PPIP5K2: variants seen among roughly 807,000 people sequenced by gnomAD.
PPIP5K2 encodes the protein diphosphoinositol pentakisphosphate kinase 2.
In PPIP5K2, 105 loss-of-function variants were observed where a neutral mutation model predicts 154.6. The observed-to-expected ratio is 0.68, with a 90% CI of 0.58 to 0.80. The LOEUF (loss-of-function observed/expected upper bound fraction) is 0.80. Among genes scored for constraint, PPIP5K2 ranks in the 30% least tolerant of loss-of-function variants. The pLI is 0.00. For synonymous variants in PPIP5K2, 480 were observed against 490.3 expected (o/e 0.98, Z 0.28); for missense variants, 992 against 1,504.6 (o/e 0.66, Z 5.64).
chr5:103,159,449 C>T (rs1795889705), intron 17 of PPIP5K2, 121 bp downstream of exon 17: 1 of 849,960 alleles, frequency 1.2e-6, no homozygotes, highest in Middle Eastern at 2.9e-4. Context: ...TTATCATCCT[C>T]CAGGTAAAGA....
intron 8 of PPIP5K2, among the ~76,000 whole-genome samples, chr5:103,150,805 G>C (rs1233639817): frequency 6.8e-6 from 1 of 146,162 alleles, no homozygotes; most frequent in Non-Finnish European, 1.5e-5. Flanking sequence ...GATTTCCTCT[G>C]GAATATGTCC....
At chr5:103,169,570 A>T (rs1797644710) in intron 19 of PPIP5K2, among the ~76,000 whole-genome samples, 1 of 151,780 alleles carries the variant, frequency 6.6e-6, no homozygotes, top group Non-Finnish European at 1.5e-5. Context: ...TTTCTTCAAC[A>T]TGAAAGAGAA....
At chr5:103,167,553 C>T (rs934238683) in intron 18 of PPIP5K2, among the ~76,000 whole-genome samples, 1 of 151,898 alleles carries the variant, frequency 6.6e-6, no homozygotes, top group African/African-American at 2.4e-5. Flanking sequence ...TATTATGCAG[C>T]ATTGCTATAT....
chr5:103,148,612 G>C (rs1554210105), intron 7 of PPIP5K2, among the ~76,000 whole-genome samples: 1 of 151,754 alleles, frequency 6.6e-6, no homozygotes, highest in Non-Finnish European at 1.5e-5. Context: ...TCATAATCCT[G>C]CCATACAAGA....
rs1554218424 is a variant in PPIP5K2 at position 103,167,954 on chromosome 5, C to T, written c.2063-118C>T. 4.4e-5 allele frequency: 28 copies of T among 634,872 alleles called. No individual in the cohort carries two copies. In the South Asian group the frequency reaches 6.7e-4, roughly 15 times the overall value. 39.3% of individuals were successfully genotyped at this position (634,872 alleles called of 1,614,324 possible). On this transcript the variant is annotated intron_variant, in intron 18 of 30. Coordinates refer to ENST00000358359, the MANE Select transcript of PPIP5K2 (RefSeq NM_001276277.3). ...AGTAGCGTATGCCTAAAGTAACTCT[C>T]TAACTTCATACAGTTGTATTTTTGA...
At chr5:103,197,753 T>C (rs1272372964) in intron 30 of PPIP5K2, among the ~76,000 whole-genome samples, 1 of 151,308 alleles carries the variant, frequency 6.6e-6, no homozygotes, top group African/African-American at 2.4e-5. Flanking sequence ...TTTTTTTGTG[T>C]TTTTAGTAGA....
chr5:103,191,215 C>T (rs1554226850), intron 29 of PPIP5K2, among the ~76,000 whole-genome samples: 1 of 151,494 alleles, frequency 6.6e-6, no homozygotes, highest in East Asian at 1.9e-4. Context: ...AACAAAAAAC[C>T]AATAGCAGTA....
intron 4 of PPIP5K2, among the ~76,000 whole-genome samples, 155 bp downstream of exon 4, chr5:103,136,977 G>A (rs1791603063): frequency 6.6e-6 from 1 of 152,070 alleles, no homozygotes; most frequent in Non-Finnish European, 1.5e-5. Flanking sequence ...TAATTTTACA[G>A]ATGAGGAATC....
intron 9 of PPIP5K2, among the ~76,000 whole-genome samples, chr5:103,151,950 C>T (rs542544212): frequency 6.6e-6 from 1 of 151,996 alleles, no homozygotes; most frequent in African/African-American, 2.4e-5. Context: ...TAAGACATTT[C>T]CAGGTATATA....
intron 30 of PPIP5K2, 130 bp from the exon 31 acceptor site, chr5:103,201,392 A>G: frequency 1.7e-6 from 1 of 595,706 alleles, no homozygotes; most frequent in Non-Finnish European, 2.9e-6. Context: ...ATGCTATATT[A>G]AATTTTTACA....
intron 4 of PPIP5K2, among the ~76,000 whole-genome samples, chr5:103,138,127 TCA>T (rs1475848651): frequency 6.6e-6 from 1 of 152,224 alleles, no homozygotes; most frequent in Non-Finnish European, 1.5e-5. Flanking sequence ...ATTTATGTTC[TCA>T]GTTTTAATAA....
At chr5:103,132,216 A>G (rs1790735886) in intron 2 of PPIP5K2, among the ~76,000 whole-genome samples, 1 of 152,136 alleles carries the variant, frequency 6.6e-6, no homozygotes, top group South Asian at 2.1e-4. Flanking sequence ...GTTTGAGGAG[A>G]CAATACAGAA....
At position 103,190,952 on chromosome 5, in the gene PPIP5K2, T is replaced by C. The variant is rs1801137796; in HGVS notation, c.3463T>C (p.Ser1155Pro). The C allele has an allele frequency of 6.2e-7, 1 of 1,610,092 alleles. No individual in the cohort carries two copies. Residue 1155 changes from serine (S) to proline (P), a missense_variant, in exon 29 of 31, where the codon TCT becomes CCT. By Grantham distance (74) the Ser-to-Pro change is moderately conservative (BLOSUM62 -1). Transcript: ENST00000358359. Reference sequence around the variant, plus strand: ...TCTTGCTTCCATTGCTTCTCCATCATCTGACGTTCCACGGAAGACCGCTGA... The same window carrying C: ...TCTTGCTTCCATTGCTTCTCCATCACCTGACGTTCCACGGAAGACCGCTGA... The part of the protein sequence containing the change: ...EFLASIASPS[S>P]DVPRKTAEIS...
intron 1 of PPIP5K2, among the ~76,000 whole-genome samples, 187 bp from the exon 2 acceptor site, chr5:103,129,119 T>C (rs923668216): frequency 1.3e-4 from 20 of 152,182 alleles, no homozygotes; most frequent in Non-Finnish European, 1.0e-4. Flanking sequence ...TTACTGAAGA[T>C]CAGTTTTAGT....
chr5:103,190,626 A>G (rs1166828332), intron 28 of PPIP5K2, among the ~76,000 whole-genome samples: 3 of 151,908 alleles, frequency 2.0e-5, no homozygotes, highest in Non-Finnish European at 1.5e-5. Context: ...ATGCGATACT[A>G]CGTGATTACA....
intron 7 of PPIP5K2, 35 bp from the exon 8 acceptor site, chr5:103,149,117 T>C (rs1554210357): frequency 1.3e-6 from 2 of 1,503,950 alleles, no homozygotes; most frequent in East Asian, 2.5e-5. Context: ...CACATACATA[T>C]ATATATTTAT....
chr5:103,147,580 C>T (rs1442468787), intron 6 of PPIP5K2, among the ~76,000 whole-genome samples: 2 of 151,894 alleles, frequency 1.3e-5, no homozygotes, highest in Non-Finnish European at 3.0e-5. Flanking sequence ...ACAACCTAAA[C>T]ATACATTGAT....
Position 103,133,462 on chromosome 5 carries a change from A to G in PPIP5K2, c.124A>G (p.Arg42Gly). The change falls in exon 3 of 31, where the codon AGG becomes GGG. Residue 42 changes from arginine (R) to glycine (G), a missense_variant. Around this residue, in one of 9 missense-constraint regions of PPIP5K2, gnomAD observed 153 missense variants for 200.4 expected, o/e 0.76. Coordinates refer to ENST00000358359, the MANE Select transcript of PPIP5K2 (RefSeq NM_001276277.3). ...TTCATTTTTGTTTTAGCCACCAGAA[A>G]GGCAGATTGTGGTTGGAATATGTTC... ...DEEEDDSPPE[R>G]QIVVGICSMA... The G allele has an allele frequency of 6.2e-7, 1 of 1,602,718 alleles. No homozygotes were observed. The highest frequency in any genetic ancestry group is 8.5e-7 in the Non-Finnish European group (1 of 1,177,494).
In PPIP5K2 at chr5:103,204,695, G is replaced by T. The variant is rs1478013858; in HGVS notation, c.*3061G>T. On this transcript the variant is annotated 3_prime_UTR_variant, in exon 31 of 31. Transcript: ENST00000358359. ...AACAGGTTTCCCTCTGTACATAATC[G>T]TAGGTACCAAAATATTACTGTGTAA... The T allele has an allele frequency of 3.9e-5, 6 of 152,080 alleles. No individual in the cohort carries two copies. The East Asian group carries it at 9.6e-4, about 24-fold the overall frequency. The allele number at this position is 152,080 out of a possible 1,614,324, so 9.4% of individuals were successfully genotyped here.
Sources: gnomAD v4.1 joint callset for allele counts (sites outside exome capture counted in the v4.1 genomes callset) on GRCh38, gnomAD v4.1.1 for gene constraint, gnomAD v4.1.1 regional missense constraint, MANE v1.5 for transcripts, NCBI Gene and HGNC (gene_info 2026-07-23, HGNC 2026-07-21) for gene names.